The following ZBTB8A variants were observed in gnomAD, a reference collection of about 807,000 sequenced individuals.
ZBTB8A encodes zinc finger and BTB domain-containing protein 8A.
In ZBTB8A, 19 loss-of-function variants were observed where a neutral mutation model predicts 37.8. The ratio of observed to expected loss-of-function variants is 0.50; its 90% confidence interval spans 0.35 to 0.74. The LOEUF (loss-of-function observed/expected upper bound fraction) is 0.74. Ranked by LOEUF, ZBTB8A falls within the 30% of genes least tolerant of loss-of-function variation. The probability of loss-of-function intolerance (pLI) is 0.01; values close to 1 mark genes in which losing one functional copy is unlikely to be tolerated. For synonymous variants in ZBTB8A, 181 were observed against 185.2 expected, an observed-to-expected ratio of 0.98 and a Z score of 0.19; for missense variants, 394 against 537.8, an observed-to-expected ratio of 0.73 and a Z score of 2.65.
chr1:32,597,177 T>C (rs990284938), intron 4 of ZBTB8A, among the ~76,000 whole-genome samples: 1 of 152,116 alleles, frequency 6.6e-6, no homozygotes, highest in African/African-American at 2.4e-5. Flanking sequence ...GTATTTTTAG[T>C]AGAGATGGGG....
chr1:32,563,709 G>A (rs1644260367), intron 2 of ZBTB8A, among the ~76,000 whole-genome samples: 1 of 152,036 alleles, frequency 6.6e-6, no homozygotes, highest in Non-Finnish European at 1.5e-5. Flanking sequence ...CTGACCTCGG[G>A]TGATCTGCCC....
intron 2 of ZBTB8A, among the ~76,000 whole-genome samples, chr1:32,572,201 T>A (rs1644327550): frequency 6.6e-6 from 1 of 152,192 alleles, no homozygotes; most frequent in Non-Finnish European, 1.5e-5. Context: ...TCCTTGTCTA[T>A]TTTATGAAAG....
chr1:32,544,876 C>T (rs982506488), intron 1 of ZBTB8A, among the ~76,000 whole-genome samples: 6 of 152,124 alleles, frequency 3.9e-5, no homozygotes, highest in Non-Finnish European at 7.4e-5. Flanking sequence ...TATGGGTATA[C>T]CACATTTTGT....
chr1:32,582,430 C>T (rs1325402486), intron 2 of ZBTB8A, among the ~76,000 whole-genome samples: 1 of 152,024 alleles, frequency 6.6e-6, no homozygotes, highest in Non-Finnish European at 1.5e-5. Context: ...GGCGGATCAC[C>T]TGAGGTCAGG....
chr1:32,544,628 C>A (rs1326183562), intron 1 of ZBTB8A, among the ~76,000 whole-genome samples: 1 of 152,158 alleles, frequency 6.6e-6, no homozygotes, highest in Non-Finnish European at 1.5e-5. Context: ...ACCCAGGAGG[C>A]GAAGGTTGCA....
At chr1:32,574,083 A>G (rs1644343181) in intron 2 of ZBTB8A, among the ~76,000 whole-genome samples, 1 of 152,126 alleles carries the variant, frequency 6.6e-6, no homozygotes, top group Admixed American at 6.6e-5. Flanking sequence ...GTCTCAAAAA[A>G]TAAAAAATAA....
chr1:32,571,928 G>C (rs1458469207), intron 2 of ZBTB8A, among the ~76,000 whole-genome samples: 18 of 151,488 alleles, frequency 1.2e-4, no homozygotes. Context: ...TTTTGAGACG[G>C]AATCTCATTC....
Position 32,592,910 on chromosome 1 carries a change from CAT to C in ZBTB8A, c.-1-20_-1-19del, listed in dbSNP as rs778390895. The C allele has an allele frequency of 1.2e-5, 19 of 1,562,728 alleles. No individual in the cohort carries two copies. In the East Asian group the frequency reaches 3.6e-4, roughly 30 times the overall value. The stretch of plus-strand genomic sequence containing the variant: ...ATTGTAATGTAGGTTTTGGTAACCA[CAT>C]GTGTCTTTTCCTCTTCAGAATGGAG... On this transcript the variant is annotated intron_variant, in intron 2 of 4. Coordinates refer to ENST00000373510, the MANE Select transcript of ZBTB8A (RefSeq NM_001040441.3).
chr1:32,543,708 G>C (rs113562849), intron 1 of ZBTB8A, among the ~76,000 whole-genome samples: 3 of 151,778 alleles, frequency 2.0e-5, no homozygotes, highest in Admixed American at 2.0e-4. Flanking sequence ...ACAAAGTCTC[G>C]TTCTGTCACC....
chr1:32,584,537 A>T (rs1644432247), intron 2 of ZBTB8A, among the ~76,000 whole-genome samples: 1 of 117,924 alleles, frequency 8.5e-6, no homozygotes. Context: ...TTTGAGATAG[A>T]GTCTGTCATT....
intron 2 of ZBTB8A, among the ~76,000 whole-genome samples, chr1:32,587,948 T>C (rs1394849347): frequency 6.6e-6 from 1 of 152,050 alleles, no homozygotes; most frequent in African/African-American, 2.4e-5. Flanking sequence ...GAAGTTTCCA[T>C]AAAACCCAAA....
At chr1:32,576,312 A>G (rs1470809674) in intron 2 of ZBTB8A, among the ~76,000 whole-genome samples, 6 of 152,196 alleles carry the variant, frequency 3.9e-5, no homozygotes, top group African/African-American at 9.6e-5. Flanking sequence ...AGAACCTTAC[A>G]GTATATTTCT....
rs1644507483 is a variant in ZBTB8A, at chr1:32,593,678, T to A, written c.747T>A (p.Ile249=). ...CCCAGTCTGAAGAACAAGCACAGAT[T>A]GATGCTGAAATGGACTCTACTCCTG... ...HVSQSEEQAQ[I]DAEMDSTPVG... Residue 249 remains isoleucine, a synonymous_variant, in exon 3 of 5, where the codon ATT becomes ATA. Coordinates refer to ENST00000373510, the MANE Select transcript of ZBTB8A (RefSeq NM_001040441.3). The A allele has an allele frequency of 6.2e-7, 1 of 1,614,058 alleles. No homozygotes were observed. Among genetic ancestry groups the A allele is most frequent in the Non-Finnish European group, 8.5e-7 (1 of 1,180,040 alleles).
At chr1:32,545,541 C>T (rs1358004694) in intron 1 of ZBTB8A, among the ~76,000 whole-genome samples, 3 of 152,138 alleles carry the variant, frequency 2.0e-5, no homozygotes, top group African/African-American at 7.2e-5. Flanking sequence ...GACCTATAAT[C>T]CTGTGTTTCT....
rs376031410 is a variant in ZBTB8A, at chr1:32,593,455, T to A, written c.524T>A (p.Ile175Lys). The change falls in exon 3 of 5, where the codon ATA becomes AAA. Residue 175 changes from isoleucine (I) to lysine (K), a missense_variant. Physicochemically the swap from Ile to Lys is moderately radical, Grantham distance 102. This residue lies in a region of ZBTB8A where 171 missense variants were observed against 186.8 expected (regional missense o/e 0.92). Transcript: ENST00000373510. ...HLSPEQGTGI[I>K]SGKSWNKYNY... is the part of the protein sequence containing the mutation. Reference sequence around the variant, plus strand: ...AGCCCAGAGCAAGGAACAGGTATAATAAGTGGAAAATCTTGGAATAAGTAT... The same window carrying A: ...AGCCCAGAGCAAGGAACAGGTATAAAAAGTGGAAAATCTTGGAATAAGTAT... 6 of 1,613,730 alleles carry A rather than the reference T, an allele frequency of 3.7e-6. No homozygotes were observed. In the African/African-American group the frequency reaches 6.7e-5, roughly 18 times the overall value.
At chr1:32,539,693 C>A (rs1644032389) in intron 1 of ZBTB8A, 121 bp downstream of exon 1, 2 of 147,028 alleles carry the variant, frequency 1.4e-5, no homozygotes, top group African/African-American at 4.9e-5. Flanking sequence ...GATGCGGGCC[C>A]CGGGCGCGCC....
At chr1:32,554,632 C>A (rs1644186019) in intron 2 of ZBTB8A, among the ~76,000 whole-genome samples, 1 of 151,958 alleles carries the variant, frequency 6.6e-6, no homozygotes, top group Non-Finnish European at 1.5e-5. Flanking sequence ...GCACCTGCCA[C>A]CAAGCCTGGC....
At chr1:32,541,097 AC>A (rs1644049321) in intron 1 of ZBTB8A, among the ~76,000 whole-genome samples, 1 of 152,224 alleles carries the variant, frequency 6.6e-6, no homozygotes, top group Admixed American at 6.5e-5. Context: ...TGTGTAATAG[AC>A]TTAACTCAGT....
chr1:32,552,841 A>C (rs917190823), intron 1 of ZBTB8A, among the ~76,000 whole-genome samples: 2 of 149,754 alleles, frequency 1.3e-5, no homozygotes, highest in South Asian at 2.1e-4. Flanking sequence ...GTTCCAAGCC[A>C]ATTTGAAGCC....
Sources: gnomAD v4.1 joint callset for allele counts (sites outside exome capture counted in the v4.1 genomes callset) on GRCh38, gnomAD v4.1.1 for gene constraint, gnomAD v4.1.1 regional missense constraint, MANE v1.5 for transcripts, NCBI Gene and HGNC (gene_info 2026-07-23, HGNC 2026-07-21) for gene names.